The following NIPAL1 variants were observed in gnomAD, a reference collection of about 807,000 sequenced individuals.
NIPAL1 encodes the protein magnesium transporter NIPA3.
In NIPAL1, 35 loss-of-function variants were observed where a neutral mutation model predicts 37.7. The observed-to-expected ratio is 0.93, with a 90% CI of 0.71 to 1.23. The LOEUF is 1.23. Ranked by LOEUF, NIPAL1 falls within the 50% of genes most tolerant of loss-of-function variation. The probability of loss-of-function intolerance (pLI) is 0.00; values close to 1 mark genes in which losing one functional copy is unlikely to be tolerated. For synonymous variants in NIPAL1, 162 were observed against 183.0 expected (o/e 0.89, Z 0.93); for missense variants, 412 against 473.9 (o/e 0.87, Z 1.21).
rs1715723586 is a variant in NIPAL1, at chr4:48,027,764, T to G, written c.314-2356T>G. ...ACCTTTTGAATACCTTAAAAACATT[T>G]TGTCCTTTTCAGTAGACAAAACAGA... is the stretch of plus-strand genomic sequence containing the variant. On this transcript the variant is annotated intron_variant, in intron 2 of 5. Coordinates refer to ENST00000295461, the MANE Select transcript of NIPAL1 (RefSeq NM_207330.3). This position sits in a 1 kb window ranked among gnomAD's most constrained non-coding sequence, Gnocchi z 4.1. 6.6e-6 allele frequency among the ~76,000 whole-genome samples: 1 copy of G among 152,172 alleles called. No homozygotes were observed. Among genetic ancestry groups the G allele is most frequent in the African/African-American group, 2.4e-5 (1 of 41,444 alleles).
At chr4:48,025,889 C>T (rs1373515684) in intron 2 of NIPAL1, among the ~76,000 whole-genome samples, 1 of 152,128 alleles carries the variant, frequency 6.6e-6, no homozygotes, top group Non-Finnish European at 1.5e-5. Flanking sequence ...ATGTCTGGTT[C>T]TGTCCCACCC....
rs191867833 is a variant in NIPAL1 at position 48,022,989 on chromosome 4, G to T, written c.47-2079G>T. Among the ~76,000 whole-genome samples the T allele has an allele frequency of 7.1e-3, 1,084 of 151,818 alleles. 6 individuals are homozygous for T. The highest frequency in any genetic ancestry group is 0.012 in the Non-Finnish European group (806 of 67,890). ...GGTGACAGAGTGAGACCCTGTCTCA[G>T]AAAAAAAAGAAATGAAAATTTGCAG... is the stretch of plus-strand genomic sequence containing the variant. On this transcript the variant is annotated intron_variant, in intron 1 of 5. Transcript: ENST00000295461.
intron 2 of NIPAL1, among the ~76,000 whole-genome samples, chr4:48,029,810 AAT>A (rs749743205): frequency 3.2e-4 from 48 of 152,328 alleles, no homozygotes; most frequent in Admixed American, 4.6e-4. Context: ...ATCGTGAAGA[AAT>A]AATCATTCCA....
At chr4:48,031,777 C>T (rs1017301581) in intron 3 of NIPAL1, among the ~76,000 whole-genome samples, 1 of 152,030 alleles carries the variant, frequency 6.6e-6, no homozygotes, top group African/African-American at 2.4e-5. Context: ...TCGCTCTTGT[C>T]GTCCAGGCTG....
At position 48,037,248 on chromosome 4, in the gene NIPAL1, CA is replaced by C. The variant is rs1207037775; in HGVS notation, c.*1081del. The C allele has an allele frequency of 1.1e-5, 5 of 435,216 alleles. No individual in the cohort carries two copies. The highest frequency in any genetic ancestry group is 8.3e-5 in the Admixed American group (3 of 36,298). 27.0% of individuals were successfully genotyped at this position (435,216 alleles called of 1,614,324 possible). A position where few individuals can be genotyped will look rare whatever the true frequency, so the allele number is the denominator to read the frequency against. ...GATAAAGGAAAAAGTTTTCTTCTCA[CA>C]AAAACACAGACACGTGATTGTTTTC... On this transcript the variant is annotated 3_prime_UTR_variant, in exon 6 of 6. Transcript: ENST00000295461.
At chr4:48,022,883 G>A (rs115500646) in intron 1 of NIPAL1, among the ~76,000 whole-genome samples, 16,960 of 152,020 alleles carry the variant, frequency 0.11, 1,269 homozygotes, top group South Asian at 0.27. Flanking sequence ...AGCTACTTGG[G>A]AGGCTGAGAT....
rs1465260246 is a variant in NIPAL1, at chr4:48,038,481, T to TA, written c.*2315dup. The TA allele has an allele frequency of 1.3e-5, 2 of 151,962 alleles. No homozygotes were observed. The highest frequency in any genetic ancestry group is 2.9e-5 in the Non-Finnish European group (2 of 67,996). 9.4% of individuals were successfully genotyped at this position (151,962 alleles called of 1,614,324 possible). A position where few individuals can be genotyped will look rare whatever the true frequency, so the allele number is the denominator to read the frequency against. On this transcript the variant is annotated 3_prime_UTR_variant, in exon 6 of 6. Coordinates refer to ENST00000295461, the MANE Select transcript of NIPAL1 (RefSeq NM_207330.3). ...GGCAATAAACTAGACCCCATGTCTC[T>TA]AAAAAATGTAAAAAACATCAAGAGG...
Position 48,016,887 on chromosome 4 carries a change from T to C in NIPAL1, c.46+2T>C, listed in dbSNP as rs1307268959. On this transcript the variant is annotated splice_donor_variant, in intron 1 of 5. Coordinates refer to ENST00000295461, the MANE Select transcript of NIPAL1 (RefSeq NM_207330.3). LOFTEE classifies it high-confidence loss of function. ...CGCCCGGAGAGCCCTGCCGAGAAGG[T>C]TTGTGTCTGCCCTGAGCCGAGGGAC... The C allele has an allele frequency of 1.3e-6, 2 of 1,596,444 alleles. No homozygotes were observed. The highest frequency in any genetic ancestry group is 4.5e-5 in the East Asian group (2 of 44,060).
chr4:48,035,193 GA>G, intron 5 of NIPAL1, 152 bp downstream of exon 5: 2 of 698,832 alleles, frequency 2.9e-6, no homozygotes, highest in Non-Finnish European at 2.4e-6. Flanking sequence ...TATTTCTCCT[GA>G]AAAGATGGCA....
Position 48,036,429 on chromosome 4 carries a change from TCTC to T in NIPAL1, c.*260_*262del, listed in dbSNP as rs1344107069. On this transcript the variant is annotated 3_prime_UTR_variant, in exon 6 of 6. Coordinates refer to ENST00000295461, the MANE Select transcript of NIPAL1 (RefSeq NM_207330.3). ...AAGAGCTATGTGTGTCTCAGAATAATCTCCTTCTTCTGGTCACAGTATCTTTGT... is the reference window on the plus strand; with the variant it reads ...AAGAGCTATGTGTGTCTCAGAATAATCTTCTTCTGGTCACAGTATCTTTGT... The T allele has an allele frequency of 2.5e-6, 1 of 405,954 alleles. No individual in the cohort carries two copies. The highest frequency in any genetic ancestry group is 2.1e-5 in the African/African-American group (1 of 46,812). The allele number at this position is 405,954 out of a possible 1,614,324, so 25.1% of individuals were successfully genotyped here.
In NIPAL1 at chr4:48,036,615, T is replaced by C. The variant is rs896916482; in HGVS notation, c.*443T>C. 4 of 163,074 alleles carry C rather than the reference T, an allele frequency of 2.5e-5. No individual in the cohort carries two copies. Among genetic ancestry groups the C allele is most frequent in the African/African-American group, 9.6e-5 (4 of 41,532 alleles). 10.1% of individuals were successfully genotyped at this position (163,074 alleles called of 1,614,324 possible). A position where few individuals can be genotyped will look rare whatever the true frequency, so the allele number is the denominator to read the frequency against. On this transcript the variant is annotated 3_prime_UTR_variant, in exon 6 of 6. Coordinates refer to ENST00000295461, the MANE Select transcript of NIPAL1 (RefSeq NM_207330.3). ...ACAAGATTTCAGAAAGGTATAATCA[T>C]GTAATTTCTCATATTAAAACTGAGA...
chr4:48,032,884 T>G, intron 3 of NIPAL1, 109 bp from the exon 4 acceptor site: 1 of 645,144 alleles, frequency 1.6e-6, no homozygotes, highest in Non-Finnish European at 2.8e-6. Context: ...TTTAGCTAGA[T>G]CTTCCCATGT....
intron 1 of NIPAL1, among the ~76,000 whole-genome samples, chr4:48,020,395 T>A (rs755804380): frequency 3.9e-5 from 6 of 152,186 alleles, no homozygotes; most frequent in Non-Finnish European, 8.8e-5. Flanking sequence ...GTAACAGATA[T>A]AAAGAGATTT....
At position 48,036,107 on chromosome 4, in the gene NIPAL1, A is replaced by G. The variant is rs1287159508; in HGVS notation, c.1168A>G (p.Asn390Asp). 6.2e-7 allele frequency: 1 copy of G among 1,610,388 alleles called. No individual in the cohort carries two copies. The highest frequency in any genetic ancestry group is 8.5e-7 in the Non-Finnish European group (1 of 1,179,036). Residue 390 changes from asparagine (N) to aspartate (D), a missense_variant, in exon 6 of 6, where the codon AAC becomes GAC. Transcript: ENST00000295461. Reference protein sequence around the residue: ...VNENNYVLLENLECSAPGYND... With the variant: ...VNENNYVLLEDLECSAPGYND... ...TGAAAACAATTATGTTTTACTAGAG[A>G]ACTTGGAGTGTTCAGCCCCAGGATA...
intron 1 of NIPAL1, among the ~76,000 whole-genome samples, chr4:48,018,677 A>G (rs1715507940): frequency 9.2e-5 from 14 of 152,198 alleles, no homozygotes; most frequent in Non-Finnish European, 1.5e-5. Flanking sequence ...TGTTCATTCA[A>G]ATAACAAGAG....
At position 48,036,042 on chromosome 4, in the gene NIPAL1, C is replaced by T; in HGVS notation, c.1103C>T (p.Thr368Ile). The change falls in exon 6 of 6, where the codon ACA (threonine) becomes ATA (isoleucine). Residue 368 changes from threonine to isoleucine, a missense_variant. Transcript: ENST00000295461. Reference sequence around the variant, plus strand: ...ACTGACATTACTTGGAGTGAGCTTACATCCACTGCTAAGAAAGAAGCCGTC... The same window carrying T: ...ACTGACATTACTTGGAGTGAGCTTATATCCACTGCTAAGAAAGAAGCCGTC... ...KNTDITWSEL[T>I]STAKKEAVSL... 1 of 1,610,844 alleles carries T rather than the reference C, an allele frequency of 6.2e-7. No homozygotes were observed. Among genetic ancestry groups the T allele is most frequent in the Non-Finnish European group, 8.5e-7 (1 of 1,179,316 alleles).
chr4:48,035,172 G>T, intron 5 of NIPAL1, 131 bp downstream of exon 5: 1 of 756,188 alleles, frequency 1.3e-6, no homozygotes, highest in South Asian at 1.7e-5. Flanking sequence ...GACACAGTGA[G>T]GTTTGATTAT....
chr4:48,028,729 AAAAC>A (rs1015548670), intron 2 of NIPAL1, among the ~76,000 whole-genome samples: 56 of 152,224 alleles, frequency 3.7e-4, no homozygotes, highest in African/African-American at 1.2e-3. Context: ...CAACAAGAAA[AAAAC>A]AAACCCATGA....
At chr4:48,030,644 G>A (rs1715800734) in intron 3 of NIPAL1, among the ~76,000 whole-genome samples, 1 of 152,186 alleles carries the variant, frequency 6.6e-6, no homozygotes, top group African/African-American at 2.4e-5. Flanking sequence ...GAAATGAAGG[G>A]TGTCAGCACT....
Sources: gnomAD v4.1 joint callset for allele counts (sites outside exome capture counted in the v4.1 genomes callset) on GRCh38, gnomAD v4.1.1 for gene constraint, Gnocchi (gnomAD v3.1) non-coding constraint, MANE v1.5 for transcripts, NCBI Gene and HGNC (gene_info 2026-07-23, HGNC 2026-07-21) for gene names.